Variants in SMC2 observed in about 807,000 individuals in gnomAD.
The protein encoded by SMC2 is structural maintenance of chromosomes 2.
SMC2 carries 41 observed loss-of-function variants against 142.6 expected under a neutral mutation model. The ratio of observed to expected loss-of-function variants is 0.29; its 90% CI spans 0.22 to 0.37. The LOEUF (loss-of-function observed/expected upper bound fraction) is 0.37. Among genes scored for constraint, SMC2 ranks in the 10% least tolerant of loss-of-function variants. The pLI is 1.00. For missense variants in SMC2, 1,265 were observed against 1,373.7 expected, an observed-to-expected ratio of 0.92 and a Z score of 1.25; for synonymous variants, 463 against 457.5, an observed-to-expected ratio of 1.01 and a Z score of -0.15.
chr9:104,111,728 A>G lies in SMC2; in HGVS notation c.1168A>G (p.Asn390Asp). 6.2e-7 allele frequency: 1 copy of G among 1,614,100 alleles called. No homozygotes were observed. The highest frequency in any genetic ancestry group is 1.3e-5 in the African/African-American group (1 of 75,064). Reference protein sequence around the residue: ...FNAVSAGLSSNEDGAEATLAG... With the variant: ...FNAVSAGLSSDEDGAEATLAG... ...TGCTGTTTCCGCTGGCCTGTCCAGT[A>G]ATGAAGATGGAGCAGAAGCAACTCT... The change falls in exon 10 of 25, where the codon AAT (asparagine) becomes GAT (aspartate). Residue 390 changes from asparagine to aspartate, a missense_variant. Transcript: ENST00000374793.
chr9:104,097,142 T>TC (rs1554693099), intron 3 of SMC2, among the ~76,000 whole-genome samples: 4 of 146,644 alleles, frequency 2.7e-5, no homozygotes, highest in East Asian at 2.0e-4. Context: ...TTTTTTTTTT[T>TC]CCTGAGACGG....
intron 14 of SMC2, among the ~76,000 whole-genome samples, 169 bp from the exon 15 acceptor site, chr9:104,118,002 T>C (rs1443966121): frequency 1.3e-5 from 2 of 152,200 alleles, no homozygotes; most frequent in African/African-American, 2.4e-5. Flanking sequence ...AGTTTTTTTT[T>C]CCTGAAACTT....
intron 10 of SMC2, among the ~76,000 whole-genome samples, chr9:104,112,793 G>T (rs1370967698): frequency 2.6e-5 from 4 of 152,112 alleles, no homozygotes; most frequent in Non-Finnish European, 5.9e-5. Context: ...CCTGACACAT[G>T]TAATTTAAAT....
At chr9:104,129,524 C>CA (rs1834706779) in intron 20 of SMC2, 121 bp from the exon 21 acceptor site, 1 of 775,612 alleles carries the variant, frequency 1.3e-6, no homozygotes, top group Admixed American at 2.4e-5. Flanking sequence ...AAAAATTAGT[C>CA]ATTGAAGGTT....
intron 3 of SMC2, among the ~76,000 whole-genome samples, 177 bp downstream of exon 3, chr9:104,096,474 TCAC>T (rs1019094130): frequency 1.6e-4 from 24 of 152,272 alleles, no homozygotes; most frequent in African/African-American, 5.8e-4. Context: ...GCACATTCTA[TCAC>T]TAAGAGGATT....
At chr9:104,113,077 G>A (rs940906903) in intron 10 of SMC2, among the ~76,000 whole-genome samples, 12 of 151,832 alleles carry the variant, frequency 7.9e-5, no homozygotes, top group Admixed American at 5.9e-4. Flanking sequence ...TTAAAAATAC[G>A]GACTTAAATT....
At chr9:104,131,533 A>G (rs530178462) in intron 21 of SMC2, among the ~76,000 whole-genome samples, 1 of 151,968 alleles carries the variant, frequency 6.6e-6, no homozygotes. Context: ...GTAAGGTCCA[A>G]TTTATGTGGT....
intron 3 of SMC2, among the ~76,000 whole-genome samples, chr9:104,097,508 G>GAAAAAAAAAA (rs59646608): frequency 8.2e-6 from 1 of 121,874 alleles, no homozygotes; most frequent in African/African-American, 3.0e-5. Flanking sequence ...GCCTCTGGTT[G>GAAAAAAAAAA]AAAAAAAAAA....
rs1832490029 is a variant in SMC2 at position 104,111,874 on chromosome 9, T to G, written c.1254+60T>G. The G allele has an allele frequency of 5.7e-6, 7 of 1,217,504 alleles. No homozygotes were observed. In the East Asian group the frequency reaches 7.5e-5, roughly 13 times the overall value. The allele number at this position is 1,217,504 out of a possible 1,614,324, so 75.4% of individuals were successfully genotyped here. On this transcript the variant is annotated intron_variant, in intron 10 of 24. Transcript: ENST00000374793. ...TTTTTCCAAGAAGTTTCTTTTCATGTTATGCTTTGGCAATTGTTACATAAT... is the reference window on the plus strand; with the variant it reads ...TTTTTCCAAGAAGTTTCTTTTCATGGTATGCTTTGGCAATTGTTACATAAT...
At chr9:104,100,016 A>T (rs1830931857) in intron 5 of SMC2, 77 bp from the exon 6 acceptor site, 1 of 867,226 alleles carries the variant, frequency 1.2e-6, no homozygotes, top group African/African-American at 1.7e-5. Context: ...GGTCAAGGCA[A>T]AAATGATATA....
chr9:104,138,463 A>G (rs1362619875), intron 24 of SMC2, among the ~76,000 whole-genome samples: 1 of 152,198 alleles, frequency 6.6e-6, no homozygotes. Context: ...GTTAACTACC[A>G]TAAAGATGTA....
At chr9:104,126,143 T>A (rs1308248307) in intron 18 of SMC2, among the ~76,000 whole-genome samples, 1 of 152,074 alleles carries the variant, frequency 6.6e-6, no homozygotes, top group Non-Finnish European at 1.5e-5. Flanking sequence ...TGATCTGAGA[T>A]GGGGTGGTTT....
In SMC2 at chr9:104,095,318, G is replaced by T; in HGVS notation, c.-61-6G>T. On this transcript the variant is annotated splice_region_variant and splice_polypyrimidine_tract_variant and intron_variant, in intron 1 of 24. Transcript: ENST00000374793. ...ACTTAGGTGGTGGTATTTCTGTTTC[G>T]TACAGAACTGGTTTGTGGCCTGTTT... is the stretch of plus-strand genomic sequence containing the variant. 1 of 1,326,676 alleles carries T rather than the reference G, an allele frequency of 7.5e-7. No individual in the cohort carries two copies. The highest frequency in any genetic ancestry group is 1.3e-5 in the South Asian group (1 of 75,864). 82.2% of individuals were successfully genotyped at this position (1,326,676 alleles called of 1,614,324 possible). A position where few individuals can be genotyped will look rare whatever the true frequency, so the allele number is the denominator to read the frequency against.
At chr9:104,097,860 T>C (rs1830632808) in intron 3 of SMC2, among the ~76,000 whole-genome samples, 1 of 152,240 alleles carries the variant, frequency 6.6e-6, no homozygotes, top group Non-Finnish European at 1.5e-5. Flanking sequence ...GAAACAGAGC[T>C]TGTCTTTAAG....
At chr9:104,138,468 G>A (rs1317663254) in intron 24 of SMC2, among the ~76,000 whole-genome samples, 3 of 152,120 alleles carry the variant, frequency 2.0e-5, no homozygotes, top group African/African-American at 4.8e-5. Context: ...CTACCATAAA[G>A]ATGTACAATC....
At chr9:104,098,392 C>T (rs1328325421) in intron 3 of SMC2, 54 bp from the exon 4 acceptor site, 3 of 1,448,536 alleles carry the variant, frequency 2.1e-6, no homozygotes, top group African/African-American at 1.5e-5. Context: ...TTAGTTTATC[C>T]TAGCACAAGG....
At position 104,140,439 on chromosome 9, in the gene SMC2, C is replaced by T. The variant is rs570043149; in HGVS notation, c.*1124C>T. The T allele has an allele frequency of 1.3e-5, 2 of 152,260 alleles. No homozygotes were observed. Among genetic ancestry groups the T allele is most frequent in the South Asian group, 2.1e-4 (1 of 4,822 alleles). The allele number at this position is 152,260 out of a possible 1,614,324, so 9.4% of individuals were successfully genotyped here. ...AAGGTCTGACATGATGTAATCTGAT[C>T]TTCCATGTGTTATTTTGGCCCCACA... is the stretch of plus-strand genomic sequence containing the variant. On this transcript the variant is annotated 3_prime_UTR_variant, in exon 25 of 25. Coordinates refer to ENST00000374793, the MANE Select transcript of SMC2 (RefSeq NM_006444.3).
Position 104,123,003 on chromosome 9 carries a change from T to G in SMC2, c.2133-105T>G, listed in dbSNP as rs1365612084. 7 of 1,183,068 alleles carry G rather than the reference T, an allele frequency of 5.9e-6. No homozygotes were observed. In the Admixed American group the frequency reaches 1.6e-4, roughly 27 times the overall value. The allele number at this position is 1,183,068 out of a possible 1,614,324, so 73.3% of individuals were successfully genotyped here. ...GTAACCAGTAGCATCTTATATTGTT[T>G]ATAACGTATGTGAGTTTATTTAAGG... On this transcript the variant is annotated intron_variant, in intron 16 of 24. Transcript: ENST00000374793.
intron 20 of SMC2, among the ~76,000 whole-genome samples, chr9:104,128,871 A>G (rs1229322662): frequency 2.0e-5 from 3 of 152,190 alleles, no homozygotes; most frequent in South Asian, 2.1e-4. Context: ...TTCTTAGAAT[A>G]TATTTCTGAG....
Sources: allele counts gnomAD v4.1 joint callset (sites outside exome capture counted in the v4.1 genomes callset), GRCh38; gene constraint gnomAD v4.1.1; transcripts MANE v1.5; gene names NCBI Gene and HGNC (gene_info 2026-07-23, HGNC 2026-07-21).